The following PACRGL variants were observed in gnomAD, a reference collection of about 807,000 sequenced individuals.
PACRGL encodes PACRG-like protein.
PACRGL carries 38 observed loss-of-function variants against 34.5 expected under a neutral mutation model. The ratio of observed to expected loss-of-function variants is 1.10; its 90% CI spans 0.85 to 1.44. The LOEUF is 1.44. PACRGL is among the 40% of genes most tolerant of loss of function. The pLI, the probability that PACRGL is intolerant of heterozygous loss-of-function variation, is 0.00. For synonymous variants in PACRGL, 128 were observed against 100.1 expected (o/e 1.28, Z -1.66); for missense variants, 305 against 281.4 (o/e 1.08, Z -0.60).
At chr4:20,722,008 T>C (rs1355458922) in intron 7 of PACRGL, among the ~76,000 whole-genome samples, 2 of 152,244 alleles carry the variant, frequency 1.3e-5, no homozygotes, top group Non-Finnish European at 2.9e-5. Context: ...GTTTACCTGC[T>C]GAAACCTCAG....
the PACRGL span, chr4:20,758,791 G>T: frequency 6.5e-7 from 1 of 1,535,376 alleles, no homozygotes; most frequent in Non-Finnish European, 9.0e-7. Context: ...AACTCTGATA[G>T]TATGTTAACA....
At chr4:20,726,648 G>A (rs1042983471) in intron 8 of PACRGL, among the ~76,000 whole-genome samples, 3 of 152,062 alleles carry the variant, frequency 2.0e-5, no homozygotes, top group African/African-American at 7.2e-5. Context: ...TCTCAGTTGT[G>A]GTTTCTCATT....
intron 3 of PACRGL, among the ~76,000 whole-genome samples, chr4:20,706,144 TTAAAATCGA>T (rs1489050635): frequency 3.3e-5 from 5 of 151,994 alleles, no homozygotes; most frequent in African/African-American, 9.7e-5. Flanking sequence ...TAAAATTTGG[TTAAAATCGA>T]TAAAAGTAAT....
At chr4:20,715,312 T>C (rs1390792392) in intron 7 of PACRGL, among the ~76,000 whole-genome samples, 1 of 151,966 alleles carries the variant, frequency 6.6e-6, no homozygotes, top group South Asian at 2.1e-4. Flanking sequence ...TTAGGAGATA[T>C]ACCTAATGCT....
chr4:20,736,388 AATGAG>A (rs1476293661), downstream of PACRGL, among the ~76,000 whole-genome samples: 2 of 152,062 alleles, frequency 1.3e-5, no homozygotes, highest in Admixed American at 6.6e-5. Flanking sequence ...TGCTGTTGTA[AATGAG>A]ATATTTTTTT....
chr4:20,757,724 G>C (rs187329024), downstream of PACRGL, among the ~76,000 whole-genome samples: 6 of 152,182 alleles, frequency 3.9e-5, no homozygotes, highest in Admixed American at 3.9e-4. Flanking sequence ...TATACACTTT[G>C]GAAATGGATC....
At chr4:20,758,315 A>G in the PACRGL span, among the ~76,000 whole-genome samples, 4 of 152,304 alleles carry the variant, frequency 2.6e-5, no homozygotes, top group East Asian at 5.8e-4. Flanking sequence ...ACTGAAAGAA[A>G]GAGGAACAGC....
chr4:20,760,679 G>A, the PACRGL span, among the ~76,000 whole-genome samples: 1 of 152,144 alleles, frequency 6.6e-6, no homozygotes, highest in Admixed American at 6.5e-5. Flanking sequence ...GTGCTGAGTG[G>A]CAAAGCACTT....
intron 8 of PACRGL, among the ~76,000 whole-genome samples, chr4:20,746,265 C>A (rs769569019): frequency 6.6e-6 from 1 of 152,012 alleles, no homozygotes; most frequent in African/African-American, 2.4e-5. Flanking sequence ...AGCAAACTAT[C>A]ATGAGAACAG....
chr4:20,707,867 G>C lies in PACRGL; in HGVS notation c.272G>C (p.Cys91Ser), dbSNP rs769991983. ...AAIYSKGGIP[C>S]RLVHGSVKHR... ...ATTTACTCTAAAGGAGGTATTCCTT[G>C]CAGGTAAAATCAATATGATTTATAA... Residue 91 changes from cysteine (C) to serine (S), a missense_variant, in exon 4 of 9, where the codon TGC becomes TCC. By Grantham distance (112) the Cys-to-Ser change is moderately radical (BLOSUM62 -1). Transcript: ENST00000503585. The C allele has an allele frequency of 5.0e-6, 8 of 1,609,756 alleles. No individual in the cohort carries two copies. In the African/African-American group the frequency reaches 1.1e-4, roughly 22 times the overall value.
chr4:20,707,617 A>AG (rs1331505928), intron 3 of PACRGL, among the ~76,000 whole-genome samples, 186 bp from the exon 4 acceptor site: 1 of 151,674 alleles, frequency 6.6e-6, no homozygotes, highest in African/African-American at 2.4e-5. Context: ...CGTTAGGGGA[A>AG]AAAGAGATGT....
chr4:20,704,425 A>G (rs1166256771), intron 1 of PACRGL, 41 bp from the exon 2 acceptor site: 1 of 1,591,596 alleles, frequency 6.3e-7, no homozygotes, highest in Non-Finnish European at 8.6e-7. Context: ...ATGCCCCTCC[A>G]AACAAATTTT....
chr4:20,728,983 A>G lies in PACRGL; in HGVS notation c.*1642A>G, dbSNP rs1746934922. 6.6e-6 allele frequency: 1 copy of G among 152,126 alleles called. No individual in the cohort carries two copies. The highest frequency in any genetic ancestry group is 1.5e-5 in the Non-Finnish European group (1 of 67,944). 9.4% of individuals were successfully genotyped at this position (152,126 alleles called of 1,614,324 possible). ...CTGTAATCTGGATTAGTTGTTGAGCACTTATTTTCTACTAAATCTTGGTAG... is the reference window on the plus strand; with the variant it reads ...CTGTAATCTGGATTAGTTGTTGAGCGCTTATTTTCTACTAAATCTTGGTAG... On this transcript the variant is annotated 3_prime_UTR_variant, in exon 9 of 9. Transcript: ENST00000503585.
At chr4:20,706,153 A>C (rs960362643) in intron 3 of PACRGL, among the ~76,000 whole-genome samples, 1 of 152,072 alleles carries the variant, frequency 6.6e-6, no homozygotes, top group Non-Finnish European at 1.5e-5. Flanking sequence ...GTTAAAATCG[A>C]TAAAAGTAAT....
upstream of PACRGL, among the ~76,000 whole-genome samples, chr4:20,697,286 T>C (rs928791735): frequency 2.0e-5 from 3 of 152,232 alleles, no homozygotes; most frequent in Non-Finnish European, 4.4e-5. Context: ...TTGCTTTGTC[T>C]GTAATTTGTA....
chr4:20,702,623 G>A (rs1732687590), intron 1 of PACRGL: 1 of 137,242 alleles, frequency 7.3e-6, no homozygotes, highest in South Asian at 2.4e-4. Flanking sequence ...TAGAGTTGAG[G>A]AAACTGATGC....
intron 8 of PACRGL, among the ~76,000 whole-genome samples, chr4:20,739,792 C>G (rs568700246): frequency 6.6e-6 from 1 of 152,158 alleles, no homozygotes; most frequent in African/African-American, 2.4e-5. Flanking sequence ...TAACAAACTT[C>G]TCCGAACTAA....
At chr4:20,706,014 TAAA>T (rs1398010795) in intron 3 of PACRGL, among the ~76,000 whole-genome samples, 10 of 151,366 alleles carry the variant, frequency 6.6e-5, no homozygotes, top group Non-Finnish European at 1.2e-4. Flanking sequence ...ATATTTGAGT[TAAA>T]AAATTTTTTG....
chr4:20,699,156 A>G (rs757029303), upstream of PACRGL, among the ~76,000 whole-genome samples: 12 of 152,214 alleles, frequency 7.9e-5, no homozygotes, highest in Non-Finnish European at 1.5e-4. Context: ...GGAAAATATA[A>G]TAAGTCTTGA....
Sources: allele counts gnomAD v4.1 joint callset (sites outside exome capture counted in the v4.1 genomes callset), GRCh38; gene constraint gnomAD v4.1.1; transcripts MANE v1.5; gene names NCBI Gene and HGNC (gene_info 2026-07-23, HGNC 2026-07-21).